Variants in YEATS2 observed in about 807,000 individuals in gnomAD.
The protein encoded by YEATS2 is YEATS domain-containing protein 2.
YEATS2 carries 77 observed loss-of-function variants against 163.2 expected under a neutral mutation model. That is an observed-to-expected ratio of 0.47 (90% CI 0.39 to 0.57). The LOEUF (loss-of-function observed/expected upper bound fraction) is 0.57. Among genes scored for constraint, YEATS2 ranks in the 20% least tolerant of loss-of-function variants. YEATS2 has a pLI of 0.00. For missense variants in YEATS2, 1,549 were observed against 1,729.8 expected (o/e 0.90, Z 1.85); for synonymous variants, 631 against 645.1 (o/e 0.98, Z 0.33).
intron 3 of YEATS2, 35 bp from the exon 4 acceptor site, chr3:183,718,465 G>GT (rs1716139690): frequency 6.4e-7 from 1 of 1,550,560 alleles, no homozygotes; most frequent in Non-Finnish European, 8.8e-7. Context: ...TATAATTGCC[G>GT]TTTTTTAAAG....
intron 4 of YEATS2, 42 bp from the exon 5 acceptor site, chr3:183,721,849 G>T (rs80034828): frequency 6.2e-7 from 1 of 1,604,448 alleles, no homozygotes; most frequent in African/African-American, 1.3e-5. Flanking sequence ...GCTTTTGATG[G>T]ATTTGATTAA....
At chr3:183,743,709 T>C (rs1025688002) in intron 8 of YEATS2, among the ~76,000 whole-genome samples, 1 of 152,126 alleles carries the variant, frequency 6.6e-6, no homozygotes, top group South Asian at 2.1e-4. Context: ...TTTTATAGTA[T>C]TATAGTTTTG....
At chr3:183,727,141 A>G (rs1471076) in intron 6 of YEATS2, among the ~76,000 whole-genome samples, 4,214 of 152,202 alleles carry the variant, frequency 0.028, 188 homozygotes, top group African/African-American at 0.095. Flanking sequence ...TTTAGTAAGT[A>G]TTTGATTGAT....
At chr3:183,700,336 A>G (rs974571879) in intron 1 of YEATS2, among the ~76,000 whole-genome samples, 7 of 151,670 alleles carry the variant, frequency 4.6e-5, no homozygotes, top group Non-Finnish European at 1.0e-4. Context: ...TGTAGCCCAC[A>G]TACGATGTAC....
chr3:183,702,103 C>T (rs570549702), intron 1 of YEATS2, among the ~76,000 whole-genome samples: 24 of 152,262 alleles, frequency 1.6e-4, no homozygotes, highest in African/African-American at 4.6e-4. Context: ...CTCCAGCCTT[C>T]GAAAGCTTTT....
At chr3:183,806,775 C>G in intron 27 of YEATS2, 91 bp from the exon 28 acceptor site, 8 of 1,326,366 alleles carry the variant, frequency 6.0e-6, no homozygotes, top group Non-Finnish European at 8.4e-6. Flanking sequence ...TGATGCTTAT[C>G]CCCCTTCCTC....
intron 6 of YEATS2, among the ~76,000 whole-genome samples, chr3:183,725,999 G>A (rs1215854851): frequency 1.3e-5 from 2 of 151,782 alleles, no homozygotes; most frequent in African/African-American, 4.9e-5. Context: ...AAGTAGATAA[G>A]TCTTTTCGGT....
rs775547421 is a variant in YEATS2, at chr3:183,728,686, C to G, written c.651-4C>G. ...ATTCAGGTTTCTTTTTTCTTCTTCT[C>G]TAGGTATATACCTCCGGATAAGAGG... On this transcript the variant is annotated splice_region_variant and splice_polypyrimidine_tract_variant and intron_variant, in intron 6 of 30. Transcript: ENST00000305135. The G allele has an allele frequency of 3.4e-5, 53 of 1,574,192 alleles. No homozygotes were observed. The highest frequency in any genetic ancestry group is 1.4e-4 in the African/African-American group (10 of 72,566).
chr3:183,761,489 G>A lies in YEATS2; in HGVS notation c.1657-18G>A, dbSNP rs914497214. The A allele has an allele frequency of 5.0e-6, 8 of 1,591,820 alleles. No individual in the cohort carries two copies. In the African/African-American group the frequency reaches 8.1e-5, roughly 16 times the overall value. On this transcript the variant is annotated intron_variant, in intron 13 of 30. Coordinates refer to ENST00000305135, the MANE Select transcript of YEATS2 (RefSeq NM_018023.5). ...CCCATTTCTCCTGATTGTAAAATAT[G>A]TATTTTTACACACACAGCAGGAGGA...
chr3:183,699,370 G>C (rs1452033848), intron 1 of YEATS2, among the ~76,000 whole-genome samples: 4 of 151,742 alleles, frequency 2.6e-5, no homozygotes, highest in Non-Finnish European at 5.9e-5. Flanking sequence ...GAGGCAGTTG[G>C]ATGTAGAGGG....
At chr3:183,803,397 A>T (rs1404946419) in intron 26 of YEATS2, 62 bp downstream of exon 26, 4 of 1,418,604 alleles carry the variant, frequency 2.8e-6, no homozygotes, top group Non-Finnish European at 3.9e-6. Context: ...TGGAACAGGG[A>T]TAAGATTGCA....
chr3:183,715,005 C>A lies in YEATS2; in HGVS notation c.-19-139C>A, dbSNP rs141976129. The stretch of plus-strand genomic sequence containing the variant: ...GTATATACACATACCCACAGACTTG[C>A]AAGTACCAGTATTAATGTAATATTT... On this transcript the variant is annotated intron_variant, in intron 1 of 30. Transcript: ENST00000305135. 11 of 531,760 alleles carry A rather than the reference C, an allele frequency of 2.1e-5. No individual in the cohort carries two copies. In the Admixed American group the frequency reaches 3.6e-4, roughly 17 times the overall value. The allele number at this position is 531,760 out of a possible 1,614,324, so 32.9% of individuals were successfully genotyped here.
intron 7 of YEATS2, among the ~76,000 whole-genome samples, chr3:183,731,337 A>G (rs937687213): frequency 3.3e-5 from 5 of 150,826 alleles, no homozygotes; most frequent in African/African-American, 4.9e-5. Flanking sequence ...TGGAAATAAG[A>G]TTTTTGTAGG....
chr3:183,758,380 G>T (rs1720985083), intron 12 of YEATS2, among the ~76,000 whole-genome samples: 1 of 128,670 alleles, frequency 7.8e-6, no homozygotes, highest in South Asian at 2.7e-4. Flanking sequence ...AATAATGTTG[G>T]CAGCATTTTG....
intron 1 of YEATS2, among the ~76,000 whole-genome samples, chr3:183,706,464 A>G (rs571589233): frequency 6.6e-6 from 1 of 152,332 alleles, no homozygotes; most frequent in East Asian, 1.9e-4. Context: ...AAAGTGAGGT[A>G]TAGTTTACAG....
At position 183,705,089 on chromosome 3, in the gene YEATS2, C is replaced by T. The variant is rs190798485; in HGVS notation, c.-20+7096C>T. Among the ~76,000 whole-genome samples the T allele has an allele frequency of 9.2e-5, 14 of 151,994 alleles. No individual in the cohort carries two copies. In the East Asian group the frequency reaches 2.7e-3, roughly 29 times the overall value. On this transcript the variant is annotated intron_variant, in intron 1 of 30. Transcript: ENST00000305135. ...TTGAGACGGGGTCTGGCTCTGTCACCCAGGCTGGAGGTGCAACGGCGCGAT... is the reference window on the plus strand; with the variant it reads ...TTGAGACGGGGTCTGGCTCTGTCACTCAGGCTGGAGGTGCAACGGCGCGAT...
intron 13 of YEATS2, 125 bp from the exon 14 acceptor site, chr3:183,761,382 C>G: frequency 1.1e-6 from 1 of 947,256 alleles, no homozygotes; most frequent in East Asian, 2.5e-5. Flanking sequence ...CTACCGCACC[C>G]AGCCAGTCTT....
In YEATS2 at chr3:183,797,974, C is replaced by A; in HGVS notation, c.3149C>A (p.Thr1050Lys). ...SQSSPQQAVL[T>K]IPSQLKPLSV... ...TCCAGTCCGCAGCAGGCCGTCCTGA[C>A]GATTCCCAGCCAGCTCAAACCACTC... Residue 1050 changes from threonine to lysine, a missense_variant, in exon 22 of 31, where the codon ACG becomes AAG. Transcript: ENST00000305135. 1 of 1,614,158 alleles carries A rather than the reference C, an allele frequency of 6.2e-7. No homozygotes were observed. The highest frequency in any genetic ancestry group is 8.5e-7 in the Non-Finnish European group (1 of 1,180,006).
intron 1 of YEATS2, among the ~76,000 whole-genome samples, chr3:183,707,248 C>T (rs1447560538): frequency 6.6e-6 from 1 of 152,188 alleles, no homozygotes; most frequent in Non-Finnish European, 1.5e-5. Context: ...AACACCAGCA[C>T]CTCCAACTAT....
Sources: allele counts gnomAD v4.1 joint callset (sites outside exome capture counted in the v4.1 genomes callset), GRCh38; gene constraint gnomAD v4.1.1; transcripts MANE v1.5; gene names NCBI Gene and HGNC (gene_info 2026-07-23, HGNC 2026-07-21).